Variants in TAFA4 observed in about 807,000 individuals in gnomAD.
The protein encoded by TAFA4 is chemokine-like protein TAFA-4.
In TAFA4, 20 loss-of-function variants were observed where a neutral mutation model predicts 21.1. That is an observed-to-expected ratio of 0.95 (90% CI 0.67 to 1.38). The LOEUF (loss-of-function observed/expected upper bound fraction) is 1.38. Ranked by LOEUF, TAFA4 falls within the 40% of genes most tolerant of loss-of-function variation. The pLI, the probability that TAFA4 is intolerant of heterozygous loss-of-function variation, is 0.00. For synonymous variants in TAFA4, 71 were observed against 67.4 expected (o/e 1.05, Z -0.26); for missense variants, 211 against 180.9 (o/e 1.17, Z -0.95).
intron 3 of TAFA4, among the ~76,000 whole-genome samples, chr3:68,856,787 C>T (rs976174032): frequency 6.6e-6 from 1 of 152,046 alleles, no homozygotes; most frequent in African/African-American, 2.4e-5. Flanking sequence ...AGGTAGGAAC[C>T]ACAACACAGA....
At chr3:68,816,431 T>C (rs985180459) in intron 3 of TAFA4, among the ~76,000 whole-genome samples, 1 of 152,250 alleles carries the variant, frequency 6.6e-6, no homozygotes, top group Non-Finnish European at 1.5e-5. Context: ...AAATCGTTTA[T>C]GTACTTGAGT....
intron 3 of TAFA4, among the ~76,000 whole-genome samples, chr3:68,817,767 T>C (rs1352680835): frequency 6.6e-6 from 1 of 152,172 alleles, no homozygotes; most frequent in East Asian, 1.9e-4. Flanking sequence ...ATCTCTTTTT[T>C]TTCTGGGCAG....
intron 3 of TAFA4, among the ~76,000 whole-genome samples, chr3:68,813,423 A>G (rs1703886422): frequency 6.6e-6 from 1 of 152,220 alleles, no homozygotes; most frequent in East Asian, 1.9e-4. Flanking sequence ...GACCACTAGC[A>G]AGACTAATAA....
intron 4 of TAFA4, among the ~76,000 whole-genome samples, chr3:68,741,264 C>T (rs998322469): frequency 8.5e-5 from 13 of 152,122 alleles, no homozygotes; most frequent in Admixed American, 2.6e-4. Context: ...TTCCAATCCA[C>T]GAACACAGGA....
chr3:68,759,899 G>GAAA, intron 3 of TAFA4, among the ~76,000 whole-genome samples: 1 of 152,146 alleles, frequency 6.6e-6, no homozygotes, highest in Non-Finnish European at 1.5e-5. Flanking sequence ...GGGTAGATGG[G>GAAA]TAGGTACTAA....
chr3:68,798,876 T>C (rs927618644), intron 3 of TAFA4, among the ~76,000 whole-genome samples: 2 of 151,922 alleles, frequency 1.3e-5, no homozygotes, highest in African/African-American at 4.8e-5. Context: ...CAAGAAAAAA[T>C]AAAATATGCA....
chr3:68,900,912 C>T (rs897929844), intron 1 of TAFA4, among the ~76,000 whole-genome samples: 1 of 152,162 alleles, frequency 6.6e-6, no homozygotes, highest in Non-Finnish European at 1.5e-5. Flanking sequence ...AGGAACATCC[C>T]CAGCCCCCAT....
chr3:68,908,632 A>C (rs538182486), intron 1 of TAFA4, among the ~76,000 whole-genome samples: 1 of 152,362 alleles, frequency 6.6e-6, no homozygotes, highest in African/African-American at 2.4e-5. Context: ...AAGTGGACAA[A>C]CAGTGGAGAG....
chr3:68,889,584 G>A (rs2089710998), intron 1 of TAFA4, among the ~76,000 whole-genome samples: 1 of 152,128 alleles, frequency 6.6e-6, no homozygotes, highest in African/African-American at 2.4e-5. Context: ...ATATGAATCT[G>A]CAGGGCATCA....
At chr3:68,845,669 T>C (rs1279870442) in intron 3 of TAFA4, among the ~76,000 whole-genome samples, 1 of 152,246 alleles carries the variant, frequency 6.6e-6, no homozygotes, top group African/African-American at 2.4e-5. Context: ...GTTTTTCCTT[T>C]CCATGTTTAG....
chr3:68,913,042 T>C (rs959720380), intron 1 of TAFA4, among the ~76,000 whole-genome samples: 6 of 152,194 alleles, frequency 3.9e-5, no homozygotes, highest in Non-Finnish European at 8.8e-5. Flanking sequence ...TCTTTGGGGT[T>C]CTTTAGGAAA....
chr3:68,746,054 C>A (rs187679838), intron 4 of TAFA4, among the ~76,000 whole-genome samples: 2 of 152,172 alleles, frequency 1.3e-5, no homozygotes, highest in African/African-American at 4.8e-5. Flanking sequence ...AGGAGCAGAT[C>A]TTTCTCCCGT....
intron 3 of TAFA4, among the ~76,000 whole-genome samples, chr3:68,847,713 C>A (rs1704842754): frequency 6.6e-6 from 1 of 152,118 alleles, no homozygotes; most frequent in South Asian, 2.1e-4. Context: ...AGTGCACTGT[C>A]CAAGAGGAAC....
intron 3 of TAFA4, among the ~76,000 whole-genome samples, chr3:68,838,731 T>A (rs181943125): frequency 9.2e-5 from 14 of 152,236 alleles, no homozygotes; most frequent in Admixed American, 8.5e-4. Flanking sequence ...ATAGGCCAGA[T>A]TAAGCCTGTG....
chr3:68,812,746 G>T (rs1452578953), intron 3 of TAFA4, among the ~76,000 whole-genome samples: 2 of 152,130 alleles, frequency 1.3e-5, no homozygotes, highest in African/African-American at 4.8e-5. Flanking sequence ...ACACCCGGCT[G>T]TCAACATTAG....
At chr3:68,827,833 C>T (rs909599026) in intron 3 of TAFA4, among the ~76,000 whole-genome samples, 2 of 152,110 alleles carry the variant, frequency 1.3e-5, no homozygotes, top group African/African-American at 4.8e-5. Context: ...CTGTAGGTTG[C>T]CTGTTCACTC....
chr3:68,828,398 T>A (rs1704303676), intron 3 of TAFA4, among the ~76,000 whole-genome samples: 1 of 152,196 alleles, frequency 6.6e-6, no homozygotes, highest in Non-Finnish European at 1.5e-5. Context: ...AAGTAGTTTT[T>A]TCCAATTCTG....
chr3:68,866,506 CA>C (rs1220315936), intron 3 of TAFA4, among the ~76,000 whole-genome samples: 1 of 151,792 alleles, frequency 6.6e-6, no homozygotes, highest in Non-Finnish European at 1.5e-5. Flanking sequence ...CTCTTCCATA[CA>C]AAGCAATAGA....
intron 3 of TAFA4, among the ~76,000 whole-genome samples, chr3:68,818,904 A>C (rs1038701349): frequency 3.5e-4 from 53 of 152,236 alleles, no homozygotes; most frequent in Non-Finnish European, 6.3e-4. Context: ...TGAAATAAGC[A>C]CATGCTGCTG....
Sources: gnomAD v4.1 joint callset for allele counts (sites outside exome capture counted in the v4.1 genomes callset) on GRCh38, gnomAD v4.1.1 for gene constraint, MANE v1.5 for transcripts, NCBI Gene and HGNC (gene_info 2026-07-23, HGNC 2026-07-21) for gene names.